PCDH9: variants seen among roughly 807,000 people sequenced by gnomAD.
PCDH9 encodes the protein protocadherin-9.
A neutral mutation model predicts 70.6 loss-of-function variants in PCDH9; 24 were observed. The ratio of observed to expected loss-of-function variants is 0.34; its 90% CI spans 0.25 to 0.48. The LOEUF is 0.48. PCDH9 is among the 20% of genes least tolerant of loss of function. The pLI, the probability that PCDH9 is intolerant of heterozygous loss-of-function variation, is 0.99. For missense variants in PCDH9, 1,281 were observed against 1,503.6 expected (o/e 0.85, Z 2.45); for synonymous variants, 562 against 558.5 (o/e 1.01, Z -0.09).
chr13:66,844,422 T>C (rs1249247360), intron 3 of PCDH9, among the ~76,000 whole-genome samples: 1 of 151,820 alleles, frequency 6.6e-6, no homozygotes, highest in Non-Finnish European at 1.5e-5. Context: ...CTGTCTCTAC[T>C]AAAAACACAA....
Position 66,938,369 on chromosome 13 carries a change from C to T in PCDH9, c.3037-34764G>A, listed in dbSNP as rs114023793. ...GAAAAAAAGAGCCACAGAATTAGAC[C>T]GAAGTTTGCAAGATGCAATACTCTA... On this transcript the variant is annotated intron_variant, in intron 2 of 4. Coordinates refer to ENST00000377865, the MANE Select transcript of PCDH9 (RefSeq NM_203487.3). Among the ~76,000 whole-genome samples, 1,520 of 152,070 alleles carry T rather than the reference C, an allele frequency of 1.0e-2. 42 individuals carry two copies. Among genetic ancestry groups the T allele is most frequent in the African/African-American group, 0.035 (1,438 of 41,474 alleles).
chr13:67,120,068 T>C (rs2086848029), intron 2 of PCDH9, among the ~76,000 whole-genome samples: 1 of 151,830 alleles, frequency 6.6e-6, no homozygotes, highest in African/African-American at 2.4e-5. Context: ...CAACAGAAAA[T>C]ATATTGAAAT....
intron 3 of PCDH9, among the ~76,000 whole-genome samples, chr13:66,737,159 G>C (rs537384004): frequency 3.8e-4 from 58 of 151,874 alleles, no homozygotes; most frequent in Non-Finnish European, 6.2e-4. Context: ...AATAATAATT[G>C]TTTTAGAAAG....
At chr13:67,078,057 A>G (rs1476615204) in intron 2 of PCDH9, among the ~76,000 whole-genome samples, 1 of 152,070 alleles carries the variant, frequency 6.6e-6, no homozygotes, top group African/African-American at 2.4e-5. Context: ...AGCCAAAGGA[A>G]ACTACTTGGC....
Position 66,854,806 on chromosome 13 carries a change from A to G in PCDH9, c.3138+48698T>C, listed in dbSNP as rs146593386. Among the ~76,000 whole-genome samples, 1,207 of 152,202 alleles carry G rather than the reference A, an allele frequency of 7.9e-3. 12 individuals are homozygous for G. Among genetic ancestry groups the G allele is most frequent in the African/African-American group, 0.027 (1,127 of 41,558 alleles). Reference sequence around the variant, plus strand: ...TTATATTGTTGTTGGCCAGGAGTTCAACGTTAACGAATCAACAGTATGTGT... The same window carrying G: ...TTATATTGTTGTTGGCCAGGAGTTCGACGTTAACGAATCAACAGTATGTGT... On this transcript the variant is annotated intron_variant, in intron 3 of 4. Coordinates refer to ENST00000377865, the MANE Select transcript of PCDH9 (RefSeq NM_203487.3).
At chr13:66,651,695 C>A (rs1332693310) in intron 3 of PCDH9, among the ~76,000 whole-genome samples, 3 of 151,940 alleles carry the variant, frequency 2.0e-5, no homozygotes, top group African/African-American at 7.2e-5. Context: ...CAAAACCTGA[C>A]AAAAACACAT....
At chr13:66,840,537 A>G (rs1443329866) in intron 3 of PCDH9, among the ~76,000 whole-genome samples, 1 of 152,236 alleles carries the variant, frequency 6.6e-6, no homozygotes, top group Admixed American at 6.5e-5. Flanking sequence ...ACTATATACA[A>G]TCATGTAACG....
intron 2 of PCDH9, among the ~76,000 whole-genome samples, chr13:67,187,024 G>A (rs768277220): frequency 7.9e-5 from 12 of 152,070 alleles, no homozygotes; most frequent in South Asian, 2.1e-4. Flanking sequence ...TTATGTGGAC[G>A]CAAACAATTT....
At chr13:66,416,605 C>G (rs1957465773) in intron 4 of PCDH9, among the ~76,000 whole-genome samples, 1 of 152,158 alleles carries the variant, frequency 6.6e-6, no homozygotes, top group Admixed American at 6.5e-5. Context: ...ACAAGCAAGA[C>G]TTTGCAGCAG....
chr13:67,083,247 G>T (rs2086023028), intron 2 of PCDH9, among the ~76,000 whole-genome samples: 1 of 151,968 alleles, frequency 6.6e-6, no homozygotes, highest in South Asian at 2.1e-4. Context: ...CAATTTTATA[G>T]AGTTTTGCAT....
intron 3 of PCDH9, among the ~76,000 whole-genome samples, chr13:66,761,410 T>A (rs1208089494): frequency 6.6e-6 from 1 of 152,162 alleles, no homozygotes; most frequent in African/African-American, 2.4e-5. Flanking sequence ...TGGATACATC[T>A]ATTCTTTTTT....
chr13:67,024,201 T>C (rs981093022), intron 2 of PCDH9, among the ~76,000 whole-genome samples: 3 of 152,152 alleles, frequency 2.0e-5, no homozygotes, highest in African/African-American at 4.8e-5. Flanking sequence ...CACTTGGTTA[T>C]TTAGATCAAG....
intron 4 of PCDH9, among the ~76,000 whole-genome samples, chr13:66,426,037 G>A (rs1297556381): frequency 1.3e-5 from 2 of 151,620 alleles, no homozygotes; most frequent in Non-Finnish European, 3.0e-5. Flanking sequence ...GTCATGTTAT[G>A]TGGTAGAAGC....
intron 3 of PCDH9, among the ~76,000 whole-genome samples, chr13:66,823,434 T>A (rs1594106369): frequency 6.6e-6 from 1 of 151,682 alleles, no homozygotes; most frequent in African/African-American, 2.4e-5. Flanking sequence ...AATTATATTA[T>A]AAAGATAATA....
intron 4 of PCDH9, among the ~76,000 whole-genome samples, chr13:66,557,844 C>A (rs929918099): frequency 3.2e-4 from 49 of 152,074 alleles, no homozygotes; most frequent in African/African-American, 1.1e-3. Flanking sequence ...GAAATATAAT[C>A]GCATTAGAGA....
At chr13:66,549,942 G>C (rs1335695265) in intron 4 of PCDH9, among the ~76,000 whole-genome samples, 1 of 151,836 alleles carries the variant, frequency 6.6e-6, no homozygotes, top group Non-Finnish European at 1.5e-5. Flanking sequence ...TTTTTCTTAA[G>C]ATTCTTGAAT....
chr13:66,313,096 G>GT (rs1414170838), intron 4 of PCDH9, among the ~76,000 whole-genome samples: 2 of 152,202 alleles, frequency 1.3e-5, no homozygotes, highest in Non-Finnish European at 2.9e-5. Flanking sequence ...GCTAATTGCT[G>GT]TAAAGAAAAG....
chr13:66,857,595 A>T (rs1288990500), intron 3 of PCDH9, among the ~76,000 whole-genome samples: 2 of 152,136 alleles, frequency 1.3e-5, no homozygotes, highest in Non-Finnish European at 2.9e-5. Context: ...ACCTATTGAT[A>T]CCCTAATATA....
intron 4 of PCDH9, among the ~76,000 whole-genome samples, chr13:66,619,910 A>G (rs1170637491): frequency 6.6e-6 from 1 of 152,110 alleles, no homozygotes; most frequent in Non-Finnish European, 1.5e-5. Flanking sequence ...TCTAATTATC[A>G]TACTTAGAAT....
Sources: gnomAD v4.1 joint callset for allele counts (sites outside exome capture counted in the v4.1 genomes callset) on GRCh38, gnomAD v4.1.1 for gene constraint, MANE v1.5 for transcripts, NCBI Gene and HGNC (gene_info 2026-07-23, HGNC 2026-07-21) for gene names.